Variants in RASSF3 observed in about 807,000 individuals in gnomAD.
The protein encoded by RASSF3 is ras association domain-containing protein 3.
A neutral mutation model predicts 19.9 loss-of-function variants in RASSF3; 19 were observed. The ratio of observed to expected loss-of-function variants is 0.96; its 90% CI spans 0.67 to 1.40. The LOEUF (loss-of-function observed/expected upper bound fraction) is 1.40, where lower values mean the gene tolerates loss of function less well. Among genes scored for constraint, RASSF3 ranks in the 40% most tolerant of loss-of-function variants. The pLI, the probability that RASSF3 is intolerant of heterozygous loss-of-function variation, is 0.00. For missense variants in RASSF3, 306 were observed against 289.8 expected, an observed-to-expected ratio of 1.06 and a Z score of -0.41; for synonymous variants, 110 against 104.2, an observed-to-expected ratio of 1.06 and a Z score of -0.34.
intron 1 of RASSF3, among the ~76,000 whole-genome samples, chr12:64,647,042 C>T (rs536194048): frequency 6.6e-6 from 1 of 152,208 alleles, no homozygotes; most frequent in South Asian, 2.1e-4. Context: ...GAATTTTAAT[C>T]TAGGTCTGTC....
At chr12:64,608,519 G>A (rs2136150462), upstream of RASSF3, among the ~76,000 whole-genome samples, 1 of 151,954 alleles carries the variant, frequency 6.6e-6, no homozygotes, top group East Asian at 1.9e-4. Flanking sequence ...CACCACGTTG[G>A]CCAGGCTGGT....
At chr12:64,568,622 G>T (rs1272517239) in intron 2 of RASSF3, among the ~76,000 whole-genome samples, 1 of 152,064 alleles carries the variant, frequency 6.6e-6, no homozygotes, top group Non-Finnish European at 1.5e-5. Context: ...CTGTTTGGTG[G>T]GGTTCGGTTC....
intron 1 of RASSF3, among the ~76,000 whole-genome samples, chr12:64,656,182 G>A (rs540804892): frequency 6.6e-6 from 1 of 152,226 alleles, no homozygotes; most frequent in Admixed American, 6.5e-5. Context: ...ATATGCATTT[G>A]ATAGTAGTGG....
At chr12:64,629,000 A>G (rs191404390) in intron 1 of RASSF3, among the ~76,000 whole-genome samples, 3 of 151,576 alleles carry the variant, frequency 2.0e-5, no homozygotes, top group Admixed American at 1.3e-4. Context: ...AGTGGCGTGA[A>G]CACAGCTCAC....
At chr12:64,571,277 G>C (rs1869514461) in intron 2 of RASSF3, among the ~76,000 whole-genome samples, 1 of 152,130 alleles carries the variant, frequency 6.6e-6, no homozygotes, top group East Asian at 1.9e-4. Context: ...AGCTTGCCCA[G>C]GTTGGTGCAT....
At chr12:64,519,707 T>A (rs1374162377) in intron 1 of RASSF3, among the ~76,000 whole-genome samples, 1 of 152,022 alleles carries the variant, frequency 6.6e-6, no homozygotes, top group East Asian at 1.9e-4. Flanking sequence ...TTCCTTCTAC[T>A]CCCTATTTTT....
intron 1 of RASSF3, among the ~76,000 whole-genome samples, chr12:64,540,124 T>C (rs1338322632): frequency 6.6e-6 from 1 of 152,090 alleles, no homozygotes; most frequent in Non-Finnish European, 1.5e-5. Flanking sequence ...TTAGAAACAA[T>C]GAGATAGTTG....
intron 1 of RASSF3, among the ~76,000 whole-genome samples, chr12:64,622,895 A>G (rs749217812): frequency 1.3e-5 from 2 of 151,312 alleles, no homozygotes; most frequent in Non-Finnish European, 2.9e-5. Flanking sequence ...ATCTTGGCTC[A>G]CTGCAACCTC....
chr12:64,565,719 A>AACAAACAAAAACAATTAGCTG (rs1193167513), intron 2 of RASSF3, among the ~76,000 whole-genome samples: 1 of 151,712 alleles, frequency 6.6e-6, no homozygotes, highest in East Asian at 1.9e-4. Context: ...ATCTCAAAAA[A>AACAAACAAAAACAATTAGCTG]ACAAACAAAA....
chr12:64,623,855 G>C (rs1287616841), intron 1 of RASSF3, among the ~76,000 whole-genome samples: 1 of 151,758 alleles, frequency 6.6e-6, no homozygotes, highest in Non-Finnish European at 1.5e-5. Flanking sequence ...CACCGTGTTG[G>C]CCAGACTGGC....
chr12:64,523,385 G>A (rs528883296), intron 1 of RASSF3, among the ~76,000 whole-genome samples: 532 of 152,030 alleles, frequency 3.5e-3, no homozygotes, highest in Non-Finnish European at 6.1e-3. Flanking sequence ...CAGCCTGGGC[G>A]ACAGAGTAAG....
intron 2 of RASSF3, among the ~76,000 whole-genome samples, chr12:64,568,562 C>A (rs1869469347): frequency 1.3e-5 from 2 of 152,100 alleles, no homozygotes; most frequent in Admixed American, 1.3e-4. Flanking sequence ...TGTCTCCGAA[C>A]AGTTTCTGGA....
Position 64,671,846 on chromosome 12 carries a change from G to A in RASSF3, c.112-12941G>A, listed in dbSNP as rs183469311. ...TCTTCATTATTTATTGCCTGAGGCA[G>A]AATGAATACTTGTACACTTGGGATT... On this transcript the variant is annotated intron_variant, in intron 1 of 4. Transcript: ENST00000542104. Among the ~76,000 whole-genome samples, 388 of 152,336 alleles carry A rather than the reference G, an allele frequency of 2.5e-3. 2 individuals carry two copies. Among genetic ancestry groups the A allele is most frequent in the African/African-American group, 9.0e-3 (376 of 41,572 alleles).
At chr12:64,691,447 A>G in intron 3 of RASSF3, 23 bp from the exon 4 acceptor site, 2 of 1,500,624 alleles carry the variant, frequency 1.3e-6, no homozygotes, top group Non-Finnish European at 1.9e-6. Flanking sequence ...ACTCTGTAAC[A>G]TGCTGCTTGT....
downstream of RASSF3, among the ~76,000 whole-genome samples, chr12:64,544,391 C>A (rs1214468024): frequency 6.6e-6 from 1 of 152,194 alleles, no homozygotes; most frequent in Admixed American, 6.5e-5. Flanking sequence ...TCCAGACATG[C>A]TGCTTTCAAG....
chr12:64,611,850 A>C (rs1870377476), intron 1 of RASSF3, among the ~76,000 whole-genome samples: 1 of 152,150 alleles, frequency 6.6e-6, no homozygotes, highest in African/African-American at 2.4e-5. Flanking sequence ...TTCTGAAGTA[A>C]AATTCTTTCT....
intron 1 of RASSF3, among the ~76,000 whole-genome samples, chr12:64,623,872 C>T (rs752831722): frequency 6.6e-6 from 1 of 151,896 alleles, no homozygotes; most frequent in Non-Finnish European, 1.5e-5. Flanking sequence ...TGGCCTCAAA[C>T]TTCTGGCCTC....
intron 2 of RASSF3, among the ~76,000 whole-genome samples, chr12:64,604,495 C>T (rs979827361): frequency 6.6e-6 from 1 of 152,050 alleles, no homozygotes; most frequent in African/African-American, 2.4e-5. Context: ...ACCATTTATT[C>T]CTGTCATTGC....
chr12:64,570,426 C>T (rs1869499770), intron 2 of RASSF3, among the ~76,000 whole-genome samples: 1 of 152,126 alleles, frequency 6.6e-6, no homozygotes, highest in Admixed American at 6.6e-5. Flanking sequence ...AAGGGACAAA[C>T]AGAGCTGAAC....
Sources: allele counts gnomAD v4.1 joint callset (sites outside exome capture counted in the v4.1 genomes callset), GRCh38; gene constraint gnomAD v4.1.1; transcripts MANE v1.5; gene names NCBI Gene and HGNC (gene_info 2026-07-23, HGNC 2026-07-21).